PCDHA11: variants seen among roughly 807,000 people sequenced by gnomAD.
PCDHA11 encodes the protein protocadherin alpha 11, also known as protocadherin alpha-11.
In PCDHA11, 61 loss-of-function variants were observed where a neutral mutation model predicts 70.3. The observed-to-expected ratio is 0.87, with a 90% CI of 0.71 to 1.07. The LOEUF is 1.07. Ranked by LOEUF, PCDHA11 falls within the 50% of genes least tolerant of loss-of-function variation. The probability of loss-of-function intolerance (pLI) is 0.00; values close to 1 mark genes in which losing one functional copy is unlikely to be tolerated. For missense variants in PCDHA11, 1,324 were observed against 1,237.5 expected, an observed-to-expected ratio of 1.07 and a Z score of -1.05; for synonymous variants, 633 against 555.1, an observed-to-expected ratio of 1.14 and a Z score of -1.97.
At chr5:140,921,202 C>T (rs528515993) in intron 1 of PCDHA11, among the ~76,000 whole-genome samples, 20 of 151,968 alleles carry the variant, frequency 1.3e-4, no homozygotes, top group African/African-American at 3.6e-4. Context: ...AGATTGACAA[C>T]GATAATTCAC....
rs782473800 is a variant in PCDHA11 at position 140,927,043 on chromosome 5, T to C, written c.2392-51906T>C. On this transcript the variant is annotated intron_variant, in intron 1 of 3. Transcript: ENST00000398640. Reference sequence around the variant, plus strand: ...CTTGAGGCTGCCAGCGGCCGCTATGTCCTCGCGGAACTTTCGCTTCCTTTC... The same window carrying C: ...CTTGAGGCTGCCAGCGGCCGCTATGCCCTCGCGGAACTTTCGCTTCCTTTC... 11 of 1,612,262 alleles carry C rather than the reference T, an allele frequency of 6.8e-6. No homozygotes were observed. Among genetic ancestry groups the C allele is most frequent in the Non-Finnish European group, 9.3e-6 (11 of 1,178,916 alleles).
chr5:141,000,839 C>G (rs1194048512), intron 3 of PCDHA11, among the ~76,000 whole-genome samples: 1 of 151,970 alleles, frequency 6.6e-6, no homozygotes, highest in Admixed American at 6.6e-5. Flanking sequence ...TCCAGGAGAT[C>G]CAGTCTGGCA....
At chr5:140,875,463 A>G in intron 1 of PCDHA11, 1 of 1,599,288 alleles carries the variant, frequency 6.3e-7, no homozygotes, top group Non-Finnish European at 8.5e-7. Context: ...AGAGGCCCTC[A>G]TTTTCTGCAA....
chr5:140,962,757 T>C (rs1554226219), intron 1 of PCDHA11, among the ~76,000 whole-genome samples: 1 of 152,240 alleles, frequency 6.6e-6, no homozygotes, highest in Non-Finnish European at 1.5e-5. Context: ...GGAATCCTAT[T>C]CGTTTTTAAC....
At position 141,011,045 on chromosome 5, in the gene PCDHA11, G is replaced by A. The variant is rs949707438; in HGVS notation, c.*1108G>A. 2 of 153,712 alleles carry A rather than the reference G, an allele frequency of 1.3e-5. No individual in the cohort carries two copies. Among genetic ancestry groups the A allele is most frequent in the African/African-American group, 4.8e-5 (2 of 41,422 alleles). The allele number at this position is 153,712 out of a possible 1,614,324, so 9.5% of individuals were successfully genotyped here. ...CAGCTTTACTCTTTCAGGTCACTCT[G>A]GGGCTGCCTCTTGCATGTATTACTA... On this transcript the variant is annotated 3_prime_UTR_variant, in exon 4 of 4. Coordinates refer to ENST00000398640, the MANE Select transcript of PCDHA11 (RefSeq NM_018902.5).
At chr5:140,983,228 A>T (rs1012242202) in intron 3 of PCDHA11, among the ~76,000 whole-genome samples, 4 of 152,240 alleles carry the variant, frequency 2.6e-5, no homozygotes, top group Non-Finnish European at 4.4e-5. Context: ...CCAAACTTTC[A>T]GGAAAGAGAA....
intron 1 of PCDHA11, among the ~76,000 whole-genome samples, chr5:140,957,264 A>G (rs1554222901): frequency 1.3e-5 from 2 of 152,198 alleles, no homozygotes; most frequent in African/African-American, 2.4e-5. Flanking sequence ...ATATGTAAGC[A>G]CTAGTCCCCC....
At chr5:141,003,486 T>C (rs1563677160) in intron 3 of PCDHA11, among the ~76,000 whole-genome samples, 2 of 152,054 alleles carry the variant, frequency 1.3e-5, no homozygotes. Flanking sequence ...CTAATTTTTA[T>C]AGTTTTAGTA....
intron 1 of PCDHA11, among the ~76,000 whole-genome samples, chr5:140,972,752 C>A (rs1332478312): frequency 1.3e-5 from 2 of 151,214 alleles, no homozygotes; most frequent in Non-Finnish European, 2.9e-5. Context: ...CAACCTCCGC[C>A]TCCCAAGTTA....
intron 1 of PCDHA11, among the ~76,000 whole-genome samples, chr5:140,914,530 C>T (rs1305035760): frequency 1.3e-5 from 2 of 152,096 alleles, no homozygotes; most frequent in African/African-American, 2.4e-5. Flanking sequence ...ATCCATTCAG[C>T]CACTTTATTT....
chr5:140,980,427 C>T (rs551274468), intron 2 of PCDHA11, among the ~76,000 whole-genome samples: 2 of 152,198 alleles, frequency 1.3e-5, no homozygotes, highest in South Asian at 2.1e-4. Flanking sequence ...GTCAAGAGAT[C>T]GAGACCATCC....
rs576230620 is a variant in PCDHA11 at position 140,948,680 on chromosome 5, T to C, written c.2392-30269T>C. 2.0e-5 allele frequency among the ~76,000 whole-genome samples: 3 copies of C among 151,762 alleles called. No homozygotes were observed. The South Asian group carries it at 6.2e-4, about 31-fold the overall frequency. On this transcript the variant is annotated intron_variant, in intron 1 of 3. Coordinates refer to ENST00000398640, the MANE Select transcript of PCDHA11 (RefSeq NM_018902.5). Reference sequence around the variant, plus strand: ...ATCTGTAGTGATAACATCTTTTTCATTTTTGATATTGGTGATTTGTGTTCT... The same window carrying C: ...ATCTGTAGTGATAACATCTTTTTCACTTTTGATATTGGTGATTTGTGTTCT...
At chr5:140,941,202 C>CCTTCCTTTCTTT (rs1554213920) in intron 1 of PCDHA11, among the ~76,000 whole-genome samples, 197 of 122,808 alleles carry the variant, frequency 1.6e-3, no homozygotes, top group Admixed American at 2.9e-3. Flanking sequence ...TTTCTTTCTT[C>CCTTCCTTTCTTT]CTTTCTTTCT....
chr5:140,990,671 C>T (rs2097406151), intron 3 of PCDHA11, among the ~76,000 whole-genome samples: 2 of 152,176 alleles, frequency 1.3e-5, no homozygotes, highest in South Asian at 4.1e-4. Flanking sequence ...ATTAGATGCA[C>T]ACCAAGCTGC....
intron 1 of PCDHA11, chr5:140,875,557 G>A (rs2055595805): frequency 6.2e-7 from 1 of 1,613,946 alleles, no homozygotes; most frequent in Non-Finnish European, 8.5e-7. Flanking sequence ...GGTGGGGAGC[G>A]GCCAGCTCCA....
intron 1 of PCDHA11, among the ~76,000 whole-genome samples, chr5:140,902,579 A>G (rs2069572489): frequency 6.6e-6 from 1 of 152,078 alleles, no homozygotes. Flanking sequence ...TAAGATTTCA[A>G]TAGTTTTGGG....
chr5:140,957,581 C>T (rs1396438252), intron 1 of PCDHA11, among the ~76,000 whole-genome samples: 3 of 152,066 alleles, frequency 2.0e-5, no homozygotes, highest in South Asian at 2.1e-4. Flanking sequence ...GTACTTTTAA[C>T]AAAGCACTTC....
intron 1 of PCDHA11, among the ~76,000 whole-genome samples, chr5:140,892,616 G>C (rs781995267): frequency 6.6e-6 from 1 of 151,910 alleles, no homozygotes; most frequent in Non-Finnish European, 1.5e-5. Flanking sequence ...TTTATTTCCA[G>C]TTGGTACATA....
chr5:140,953,641 G>A (rs246029), intron 1 of PCDHA11, among the ~76,000 whole-genome samples: 85,647 of 151,972 alleles, frequency 0.56, 24,761 homozygotes, highest in African/African-American at 0.69. Context: ...TTTTGGCCAG[G>A]AGCTATAGTT....
Sources: allele counts gnomAD v4.1 joint callset (sites outside exome capture counted in the v4.1 genomes callset), GRCh38; gene constraint gnomAD v4.1.1; transcripts MANE v1.5; gene names NCBI Gene and HGNC (gene_info 2026-07-23, HGNC 2026-07-21).